Variants in NKAIN3 observed in about 807,000 individuals in gnomAD.
NKAIN3 encodes the protein sodium/potassium-transporting ATPase subunit beta-1-interacting protein 3.
Under a neutral mutation model 30.2 loss-of-function variants are expected in NKAIN3, and 25 were observed. The ratio of observed to expected loss-of-function variants is 0.83; its 90% CI spans 0.60 to 1.16. The LOEUF is 1.16. Among genes scored for constraint, NKAIN3 ranks in the 50% most tolerant of loss-of-function variants. The pLI is 0.00. For missense variants in NKAIN3, 225 were observed against 254.1 expected, an observed-to-expected ratio of 0.89 and a Z score of 0.78; for synonymous variants, 91 against 89.6, an observed-to-expected ratio of 1.02 and a Z score of -0.09.
chr8:62,688,332 C>A (rs1813858204), intron 3 of NKAIN3, among the ~76,000 whole-genome samples: 1 of 152,130 alleles, frequency 6.6e-6, no homozygotes, highest in Admixed American at 6.5e-5. Context: ...CAAAATGGAG[C>A]AGATGATACC....
At chr8:62,601,774 CAA>C (rs747596293) in intron 3 of NKAIN3, among the ~76,000 whole-genome samples, 14 of 151,898 alleles carry the variant, frequency 9.2e-5, no homozygotes, top group Non-Finnish European at 1.8e-4. Flanking sequence ...AATCTTTATC[CAA>C]AGAGACGCAA....
chr8:62,293,497 G>A (rs1813721231), intron 1 of NKAIN3, among the ~76,000 whole-genome samples: 1 of 152,294 alleles, frequency 6.6e-6, no homozygotes, highest in African/African-American at 2.4e-5. Context: ...TTTGCTGGAG[G>A]TCCATTCCAG....
intron 5 of NKAIN3, among the ~76,000 whole-genome samples, chr8:62,993,008 T>C (rs10957262): frequency 0.18 from 28,135 of 152,086 alleles, 2,700 homozygotes; most frequent in East Asian, 0.38. Context: ...TTCTGTGTTC[T>C]GGTTTTGTGA....
chr8:62,353,550 A>T (rs751772571), intron 1 of NKAIN3, among the ~76,000 whole-genome samples: 7 of 152,200 alleles, frequency 4.6e-5, no homozygotes, highest in Non-Finnish European at 8.8e-5. Context: ...TTTTTTAAGG[A>T]AATTAAAACT....
intron 3 of NKAIN3, among the ~76,000 whole-genome samples, chr8:62,663,334 T>G (rs1813000798): frequency 6.6e-6 from 1 of 152,238 alleles, no homozygotes; most frequent in African/African-American, 2.4e-5. Flanking sequence ...TACTTGTCTC[T>G]ATTACTCTAT....
At chr8:62,861,527 C>T (rs1820238393) in intron 4 of NKAIN3, among the ~76,000 whole-genome samples, 1 of 152,168 alleles carries the variant, frequency 6.6e-6, no homozygotes, top group Admixed American at 6.5e-5. Context: ...CCAGCAGCCT[C>T]CCTTAGGTAG....
chr8:62,655,037 A>C (rs762999742), intron 3 of NKAIN3, among the ~76,000 whole-genome samples: 8 of 152,184 alleles, frequency 5.3e-5, no homozygotes, highest in Non-Finnish European at 7.3e-5. Flanking sequence ...AGATGTGACA[A>C]AAAGAAACTT....
At position 62,303,956 on chromosome 8, in the gene NKAIN3, C is replaced by G. The variant is rs879383923; in HGVS notation, c.54+54829C>G. 3.3e-5 allele frequency among the ~76,000 whole-genome samples: 5 copies of G among 150,444 alleles called. 1 individual carries two copies. The highest frequency in any genetic ancestry group is 1.3e-4 in the African/African-American group (5 of 39,920). Reference sequence around the variant, plus strand: ...CATCTAATTTCGATTTTGAAAAACACGATTAGTACTGTCTTTTAAAGAAGT... The same window carrying G: ...CATCTAATTTCGATTTTGAAAAACAGGATTAGTACTGTCTTTTAAAGAAGT... On this transcript the variant is annotated intron_variant, in intron 1 of 6. Coordinates refer to ENST00000623646, the MANE Select transcript of NKAIN3 (RefSeq NM_001304533.3).
At chr8:62,505,570 C>A (rs1189195923) in intron 1 of NKAIN3, among the ~76,000 whole-genome samples, 1 of 152,136 alleles carries the variant, frequency 6.6e-6, no homozygotes, top group African/African-American at 2.4e-5. Flanking sequence ...CTATCCCCTG[C>A]TCTACAGAAT....
chr8:62,934,369 C>G (rs1378803223), intron 5 of NKAIN3, among the ~76,000 whole-genome samples: 1 of 45,010 alleles, frequency 2.2e-5, no homozygotes, highest in Non-Finnish European at 4.0e-5. Flanking sequence ...CAAAGCAGGA[C>G]CCTGTCTCTT....
chr8:62,584,809 G>A (rs1810418935), intron 2 of NKAIN3, among the ~76,000 whole-genome samples: 1 of 152,114 alleles, frequency 6.6e-6, no homozygotes, highest in African/African-American at 2.4e-5. Flanking sequence ...GTAAATCCTG[G>A]TAACTTTCTA....
chr8:62,670,198 G>A (rs532278122), intron 3 of NKAIN3, among the ~76,000 whole-genome samples: 23 of 152,182 alleles, frequency 1.5e-4, no homozygotes, highest in African/African-American at 4.8e-4. Context: ...GAAATCAGCC[G>A]TTCTCTCTTA....
At chr8:62,712,881 C>T (rs1563527691) in intron 3 of NKAIN3, among the ~76,000 whole-genome samples, 1 of 152,212 alleles carries the variant, frequency 6.6e-6, no homozygotes, top group Admixed American at 6.5e-5. Flanking sequence ...GCTAGGGAAC[C>T]CAGCCAGTTC....
intron 4 of NKAIN3, among the ~76,000 whole-genome samples, chr8:62,901,770 G>A (rs936848426): frequency 1.3e-5 from 2 of 152,168 alleles, no homozygotes; most frequent in African/African-American, 4.8e-5. Context: ...ATAGAGGAAT[G>A]CCTGTCTTTC....
At chr8:62,463,584 A>G (rs192835062) in intron 1 of NKAIN3, among the ~76,000 whole-genome samples, 69 of 152,312 alleles carry the variant, frequency 4.5e-4, no homozygotes, top group African/African-American at 1.6e-3. Context: ...TCTCCTTGCC[A>G]CTAAAGCTGA....
At chr8:62,267,053 T>C (rs527424032) in intron 1 of NKAIN3, among the ~76,000 whole-genome samples, 73 of 152,356 alleles carry the variant, frequency 4.8e-4, no homozygotes, top group Non-Finnish European at 7.1e-4. Flanking sequence ...CCTGCCAGGC[T>C]AAGCCCCAGT....
intron 1 of NKAIN3, among the ~76,000 whole-genome samples, chr8:62,487,731 A>T (rs1325369926): frequency 1.3e-5 from 2 of 152,224 alleles, no homozygotes; most frequent in East Asian, 3.9e-4. Context: ...TACTAATAGT[A>T]GTGTAATTCA....
At chr8:62,297,803 C>G (rs939960661) in intron 1 of NKAIN3, among the ~76,000 whole-genome samples, 5 of 152,276 alleles carry the variant, frequency 3.3e-5, no homozygotes, top group South Asian at 2.1e-4. Context: ...TACCATTTTG[C>G]CCAGCCATCC....
intron 1 of NKAIN3, among the ~76,000 whole-genome samples, chr8:62,317,044 T>C (rs999906444): frequency 6.6e-6 from 1 of 152,230 alleles, no homozygotes; most frequent in Non-Finnish European, 1.5e-5. Context: ...GAGCATTTTT[T>C]CATGTGTCTT....
Sources: gnomAD v4.1 joint callset for allele counts (sites outside exome capture counted in the v4.1 genomes callset) on GRCh38, gnomAD v4.1.1 for gene constraint, MANE v1.5 for transcripts, NCBI Gene and HGNC (gene_info 2026-07-23, HGNC 2026-07-21) for gene names.